SHISA9: variants seen among roughly 807,000 people sequenced by gnomAD.
SHISA9 encodes the protein shisa family member 9.
A neutral mutation model predicts 38.0 loss-of-function variants in SHISA9; 13 were observed. That is an observed-to-expected ratio of 0.34 (90% confidence interval 0.22 to 0.54). SHISA9 has a LOEUF of 0.54. Ranked by LOEUF, SHISA9 falls within the 20% of genes least tolerant of loss-of-function variation. SHISA9 has a pLI of 0.91. For missense variants in SHISA9, 538 were observed against 575.8 expected (o/e 0.93, Z 0.67); for synonymous variants, 275 against 242.0 (o/e 1.14, Z -1.27).
intron 2 of SHISA9, among the ~76,000 whole-genome samples, chr16:13,182,062 A>G (rs1056671860): frequency 6.6e-6 from 1 of 152,228 alleles, no homozygotes; most frequent in African/African-American, 2.4e-5. Context: ...ATAGTGATGG[A>G]ACATCTAGCA....
the SHISA9 span, among the ~76,000 whole-genome samples, chr16:13,429,979 G>C: frequency 1.3e-5 from 2 of 152,118 alleles, no homozygotes; most frequent in Non-Finnish European, 1.5e-5. Context: ...GGTTAAATGG[G>C]ATCCTTAATG....
chr16:13,193,595 C>T (rs2050908333), intron 2 of SHISA9, among the ~76,000 whole-genome samples: 1 of 152,250 alleles, frequency 6.6e-6, no homozygotes, highest in Non-Finnish European at 1.5e-5. Context: ...ATCCACCCGC[C>T]TTGGACTCCC....
chr16:13,087,801 C>G (rs890548402), intron 2 of SHISA9, among the ~76,000 whole-genome samples: 1 of 152,180 alleles, frequency 6.6e-6, no homozygotes, highest in African/African-American at 2.4e-5. Context: ...ATGGTAGTTT[C>G]TTTTGCTGTG....
At chr16:12,936,121 C>T (rs1322535697) in intron 2 of SHISA9, among the ~76,000 whole-genome samples, 3 of 152,122 alleles carry the variant, frequency 2.0e-5, no homozygotes, top group South Asian at 2.1e-4. Flanking sequence ...TCTGATGTCC[C>T]TTCGCTAGCA....
chr16:13,321,335 T>C, the SHISA9 span, among the ~76,000 whole-genome samples: 3 of 152,334 alleles, frequency 2.0e-5, no homozygotes, highest in South Asian at 6.2e-4. Context: ...AAATAGCATG[T>C]CAATAAATGA....
At chr16:13,242,969 G>A (rs568229937), downstream of SHISA9, among the ~76,000 whole-genome samples, 35 of 152,254 alleles carry the variant, frequency 2.3e-4, no homozygotes, top group African/African-American at 7.5e-4. Flanking sequence ...GGCCAGGCAC[G>A]GTGGCTCATG....
intron 2 of SHISA9, among the ~76,000 whole-genome samples, chr16:13,182,819 A>C (rs1006791721): frequency 5.3e-5 from 8 of 152,010 alleles, no homozygotes; most frequent in Admixed American, 3.3e-4. Flanking sequence ...ACAACAACAA[A>C]AAACAATCAT....
the SHISA9 span, among the ~76,000 whole-genome samples, chr16:13,358,603 C>A: frequency 6.6e-6 from 1 of 152,198 alleles, no homozygotes; most frequent in Non-Finnish European, 1.5e-5. Context: ...GACCCAAAAA[C>A]CGTAAGAGAG....
intron 2 of SHISA9, among the ~76,000 whole-genome samples, chr16:13,004,442 A>G (rs896111883): frequency 1.2e-4 from 18 of 152,198 alleles, no homozygotes; most frequent in African/African-American, 4.1e-4. Context: ...AGCAAGGGTA[A>G]GGAGTTTTGA....
intron 2 of SHISA9, among the ~76,000 whole-genome samples, chr16:13,047,802 A>G (rs1394307618): frequency 1.3e-5 from 2 of 152,172 alleles, no homozygotes; most frequent in Non-Finnish European, 2.9e-5. Flanking sequence ...TAAAATTGCT[A>G]AAGTTTACTG....
intron 2 of SHISA9, among the ~76,000 whole-genome samples, chr16:13,034,515 A>C (rs901827881): frequency 6.6e-6 from 1 of 152,176 alleles, no homozygotes; most frequent in Non-Finnish European, 1.5e-5. Flanking sequence ...AAGAAAGTTA[A>C]GTTTATTTTT....
intron 2 of SHISA9, among the ~76,000 whole-genome samples, chr16:12,961,960 C>G (rs1326288815): frequency 1.3e-5 from 2 of 152,164 alleles, no homozygotes; most frequent in African/African-American, 4.8e-5. Flanking sequence ...AACCTCGGGC[C>G]TGGTAAGAAT....
At chr16:13,275,924 A>T in the SHISA9 span, among the ~76,000 whole-genome samples, 1 of 151,814 alleles carries the variant, frequency 6.6e-6, no homozygotes, top group African/African-American at 2.4e-5. Flanking sequence ...TTTTAAAAAA[A>T]ATTAATTTAA....
At chr16:13,437,044 A>AC in the SHISA9 span, among the ~76,000 whole-genome samples, 1 of 151,906 alleles carries the variant, frequency 6.6e-6, no homozygotes, top group African/African-American at 2.4e-5. Context: ...GCACAGGGAA[A>AC]CCCCACCCCA....
At chr16:13,234,734 A>G (rs566634131) in intron 4 of SHISA9, among the ~76,000 whole-genome samples, 2 of 152,312 alleles carry the variant, frequency 1.3e-5, no homozygotes, top group East Asian at 1.9e-4. Flanking sequence ...CAAACCAACG[A>G]TGGCAGAATG....
the SHISA9 span, among the ~76,000 whole-genome samples, chr16:13,413,069 AC>A: frequency 1.3e-5 from 2 of 152,184 alleles, no homozygotes; most frequent in Non-Finnish European, 2.9e-5. Context: ...GGATTAACTC[AC>A]CTAGATCAGA....
At chr16:13,088,801 T>A (rs1236322653) in intron 2 of SHISA9, among the ~76,000 whole-genome samples, 1 of 152,240 alleles carries the variant, frequency 6.6e-6, no homozygotes, top group Non-Finnish European at 1.5e-5. Context: ...ATATCCTTTA[T>A]TTCTTTCTCT....
intron 2 of SHISA9, among the ~76,000 whole-genome samples, chr16:12,996,936 ACTT>A (rs1254956655): frequency 1.3e-5 from 2 of 152,206 alleles, no homozygotes; most frequent in African/African-American, 4.8e-5. Context: ...CATGAAATTC[ACTT>A]CTGCAGCCCC....
At chr16:12,959,719 A>G (rs28715956) in intron 2 of SHISA9, among the ~76,000 whole-genome samples, 16 of 152,162 alleles carry the variant, frequency 1.1e-4, no homozygotes, top group Admixed American at 3.9e-4. Context: ...TTGAACTGCC[A>G]TGCTCGAGAT....
Sources: allele counts gnomAD v4.1 joint callset (sites outside exome capture counted in the v4.1 genomes callset), GRCh38; gene constraint gnomAD v4.1.1; transcripts MANE v1.5; gene names NCBI Gene and HGNC (gene_info 2026-07-23, HGNC 2026-07-21).